THSD7A: variants seen among roughly 807,000 people sequenced by gnomAD.
THSD7A encodes the protein thrombospondin type 1 domain containing 7A, also known as thrombospondin type-1 domain-containing protein 7A.
A neutral mutation model predicts 231.3 loss-of-function variants in THSD7A; 96 were observed. That is an observed-to-expected ratio of 0.41 (90% CI 0.35 to 0.49). The LOEUF is 0.49. Among genes scored for constraint, THSD7A ranks in the 20% least tolerant of loss-of-function variants. The probability of loss-of-function intolerance (pLI) is 0.05; values close to 1 mark genes in which losing one functional copy is unlikely to be tolerated. For synonymous variants in THSD7A, 940 were observed against 743.3 expected (o/e 1.26, Z -4.30); for missense variants, 2,290 against 2,070.2 (o/e 1.11, Z -2.06).
At chr7:11,498,694 G>C (rs1387447877) in intron 6 of THSD7A, among the ~76,000 whole-genome samples, 1 of 152,140 alleles carries the variant, frequency 6.6e-6, no homozygotes, top group African/African-American at 2.4e-5. Context: ...CTCCCAACTA[G>C]GGTCTCCAGC....
chr7:11,732,994 T>A (rs1457917355), intron 1 of THSD7A, among the ~76,000 whole-genome samples: 1 of 151,920 alleles, frequency 6.6e-6, no homozygotes, highest in East Asian at 1.9e-4. Context: ...ATCTAAGCAG[T>A]ATTTGGTAAT....
In THSD7A at chr7:11,752,489, C is replaced by A. The variant is rs925609127; in HGVS notation, c.190+79268G>T. ...TAGTACATAATTTTTGATAATTGTT[C>A]ATTTAGGGAAGAATCCACTGATGCA... On this transcript the variant is annotated intron_variant, in intron 1 of 27. Transcript: ENST00000423059. Among the ~76,000 whole-genome samples, 30 of 151,948 alleles carry A rather than the reference C, an allele frequency of 2.0e-4. 1 individual carries two copies. The highest frequency in any genetic ancestry group is 7.3e-5 in the African/African-American group (3 of 41,378).
chr7:11,602,125 C>T (rs1780572921), intron 2 of THSD7A, among the ~76,000 whole-genome samples: 1 of 152,022 alleles, frequency 6.6e-6, no homozygotes, highest in East Asian at 1.9e-4. Flanking sequence ...TGCTGCTTGC[C>T]CAAAGGAGAA....
In THSD7A at chr7:11,375,574, G is replaced by T; in HGVS notation, c.*220C>A. 2.6e-6 allele frequency: 1 copy of T among 381,548 alleles called. No homozygotes were observed. The highest frequency in any genetic ancestry group is 4.7e-6 in the Non-Finnish European group (1 of 214,558). The allele number at this position is 381,548 out of a possible 1,614,324, so 23.6% of individuals were successfully genotyped here. On this transcript the variant is annotated 3_prime_UTR_variant, in exon 28 of 28. Transcript: ENST00000423059. ...ACTTTCAGAATGCAGCATGTATTCA[G>T]CTAAATCTCCTATAATTCTCACGGT...
At chr7:11,513,842 T>C (rs1020133076) in intron 6 of THSD7A, among the ~76,000 whole-genome samples, 10 of 152,162 alleles carry the variant, frequency 6.6e-5, no homozygotes, top group African/African-American at 1.7e-4. Flanking sequence ...TTATAGTTTA[T>C]AAGGCTATTA....
intron 11 of THSD7A, among the ~76,000 whole-genome samples, chr7:11,460,421 C>T (rs1250049347): frequency 6.6e-6 from 1 of 152,052 alleles, no homozygotes; most frequent in Admixed American, 6.6e-5. Flanking sequence ...AAAGCTTGGC[C>T]TGACTTTCTT....
At chr7:11,447,133 T>G (rs1463777945) in intron 12 of THSD7A, 97 bp downstream of exon 12, 1 of 1,165,528 alleles carries the variant, frequency 8.6e-7, no homozygotes, top group East Asian at 2.5e-5. Context: ...ATTGGCATAT[T>G]ATTTTTCAAA....
At chr7:11,737,359 C>T (rs979978042) in intron 1 of THSD7A, among the ~76,000 whole-genome samples, 9 of 151,814 alleles carry the variant, frequency 5.9e-5, no homozygotes, top group Admixed American at 2.0e-4. Flanking sequence ...GCATAGGGCA[C>T]GGTGAGGCTC....
rs1189484240 is a variant in THSD7A at position 11,446,934 on chromosome 7, A to G, written c.2800+296T>C. 2.6e-5 allele frequency among the ~76,000 whole-genome samples: 4 copies of G among 152,112 alleles called. No homozygotes were observed. The South Asian group carries it at 6.2e-4, about 24-fold the overall frequency. On this transcript the variant is annotated intron_variant, in intron 12 of 27. Transcript: ENST00000423059. The surrounding 1 kb of genome is among the most constrained non-coding windows in gnomAD (Gnocchi z 4.0). ...TAGCAACTTTTTCTCTTGTTCCCCA[A>G]AAACTTTGCTCCAAGCACTTTACAG...
At chr7:11,769,153 A>ATATATATATTTTT in intron 1 of THSD7A, among the ~76,000 whole-genome samples, 3 of 27,648 alleles carry the variant, frequency 1.1e-4, no homozygotes, top group Non-Finnish European at 1.4e-4. Context: ...ATATATATAT[A>ATATATATATTTTT]TTTTTTTTTT....
intron 7 of THSD7A, among the ~76,000 whole-genome samples, chr7:11,481,431 C>G (rs1219967912): frequency 6.6e-6 from 1 of 152,014 alleles, no homozygotes; most frequent in Non-Finnish European, 1.5e-5. Flanking sequence ...AAAGATAAAA[C>G]TGACTTCTGA....
chr7:11,790,452 T>A (rs987006188), intron 1 of THSD7A, among the ~76,000 whole-genome samples: 9 of 152,010 alleles, frequency 5.9e-5, no homozygotes, highest in African/African-American at 2.2e-4. Context: ...AATTTTTATA[T>A]GTTGGTTCAT....
chr7:11,500,505 A>G (rs1562660872), intron 6 of THSD7A, among the ~76,000 whole-genome samples: 1 of 152,168 alleles, frequency 6.6e-6, no homozygotes, highest in East Asian at 1.9e-4. Context: ...AACCCCACTT[A>G]CAAGGCACAG....
intron 6 of THSD7A, among the ~76,000 whole-genome samples, chr7:11,536,261 C>A (rs1788911394): frequency 6.6e-6 from 1 of 152,052 alleles, no homozygotes; most frequent in South Asian, 2.1e-4. Context: ...GTCTTTGGTT[C>A]CTTTTAGTTT....
At chr7:11,622,638 T>A (rs1483644953) in intron 2 of THSD7A, among the ~76,000 whole-genome samples, 1 of 152,096 alleles carries the variant, frequency 6.6e-6, no homozygotes, top group Non-Finnish European at 1.5e-5. Flanking sequence ...GTACACTACC[T>A]CTCCAGACTA....
At position 11,609,779 on chromosome 7, in the gene THSD7A, G is replaced by A. The variant is rs1317348565; in HGVS notation, c.1023-16277C>T. Among the ~76,000 whole-genome samples the A allele has an allele frequency of 2.2e-4, 33 of 152,142 alleles. 1 individual carries two copies. Among genetic ancestry groups the A allele is most frequent in the Admixed American group, 2.1e-3 (32 of 15,260 alleles). On this transcript the variant is annotated intron_variant, in intron 2 of 27. Transcript: ENST00000423059. ...TCTGTTTAAAAACATATTGGTGTGT[G>A]TGGGGTTATTAATATTCAGTTTTAT... is the stretch of plus-strand genomic sequence containing the variant.
At chr7:11,678,576 C>T (rs1341145101) in intron 1 of THSD7A, among the ~76,000 whole-genome samples, 1 of 152,150 alleles carries the variant, frequency 6.6e-6, no homozygotes, top group African/African-American at 2.4e-5. Context: ...CACCTCTATG[C>T]AAATGAATTA....
chr7:11,675,574 T>G (rs1477487912), intron 1 of THSD7A, among the ~76,000 whole-genome samples: 1 of 152,062 alleles, frequency 6.6e-6, no homozygotes, highest in Non-Finnish European at 1.5e-5. Flanking sequence ...TCCAGCTTGG[T>G]GGGGGAAGGG....
chr7:11,546,144 C>T (rs187749675), intron 4 of THSD7A, among the ~76,000 whole-genome samples: 14 of 148,902 alleles, frequency 9.4e-5, no homozygotes, highest in Admixed American at 6.0e-4. Context: ...CCTTCCCCAA[C>T]CATTGTGCCA....
Sources: allele counts gnomAD v4.1 joint callset (sites outside exome capture counted in the v4.1 genomes callset), GRCh38; gene constraint gnomAD v4.1.1; non-coding constraint Gnocchi (gnomAD v3.1); transcripts MANE v1.5; gene names NCBI Gene and HGNC (gene_info 2026-07-23, HGNC 2026-07-21).